FGD5: variants seen among roughly 807,000 people sequenced by gnomAD.
FGD5 encodes FYVE, RhoGEF and PH domain-containing protein 5.
A neutral mutation model predicts 133.4 loss-of-function variants in FGD5; 28 were observed. That is an observed-to-expected ratio of 0.21 (90% CI 0.16 to 0.29). The LOEUF (loss-of-function observed/expected upper bound fraction) is 0.29, where lower values mean the gene tolerates loss of function less well. Among genes scored for constraint, FGD5 ranks in the 10% least tolerant of loss-of-function variants. FGD5 has a pLI of 1.00. For missense variants in FGD5, 1,858 were observed against 1,895.2 expected (o/e 0.98, Z 0.36); for synonymous variants, 810 against 776.5 (o/e 1.04, Z -0.72).
rs185375080 is a variant in FGD5 at position 14,934,070 on chromosome 3, A to T, written c.*903A>T. On this transcript the variant is annotated 3_prime_UTR_variant, in exon 20 of 20. Coordinates refer to ENST00000285046, the MANE Select transcript of FGD5 (RefSeq NM_152536.4). ...CTCACTCAAGCTGACAACATTGTTT[A>T]TGGGAATCTATCCTTCTTTTAGACA... 2 of 152,354 alleles carry T rather than the reference A, an allele frequency of 1.3e-5. No individual in the cohort carries two copies. Among genetic ancestry groups the T allele is most frequent in the East Asian group, 1.9e-4 (1 of 5,192 alleles). The allele number at this position is 152,354 out of a possible 1,614,324, so 9.4% of individuals were successfully genotyped here.
chr3:14,824,599 G>A (rs1030887016), intron 1 of FGD5, among the ~76,000 whole-genome samples: 2 of 152,206 alleles, frequency 1.3e-5, no homozygotes, highest in African/African-American at 4.8e-5. Flanking sequence ...AGGCTGGGCC[G>A]CAGTTTGCTC....
intron 2 of FGD5, among the ~76,000 whole-genome samples, chr3:14,871,118 G>A (rs986302682): frequency 6.6e-6 from 1 of 152,110 alleles, no homozygotes; most frequent in African/African-American, 2.4e-5. Context: ...CTCAGAGAGG[G>A]CTCCTAGATC....
At position 14,907,714 on chromosome 3, in the gene FGD5, G is replaced by A. The variant is rs774720080; in HGVS notation, c.3336+3G>A. On this transcript the variant is annotated splice_donor_region_variant and intron_variant, in intron 10 of 19. Coordinates refer to ENST00000285046, the MANE Select transcript of FGD5 (RefSeq NM_152536.4). The stretch of plus-strand genomic sequence containing the variant: ...GGGATCTCCTCCAGCCAGGAAGGGT[G>A]AGTGCCGCCACCATGGGTAGGGGCA... 8.1e-6 allele frequency: 13 copies of A among 1,613,496 alleles called. No homozygotes were observed. The South Asian group carries it at 1.2e-4, about 15-fold the overall frequency.
rs1398808613 is a variant in FGD5 at position 14,820,111 on chromosome 3, A to T, written c.1040A>T (p.Tyr347Phe). 1.2e-6 allele frequency: 2 copies of T among 1,613,928 alleles called. No homozygotes were observed. Among genetic ancestry groups the T allele is most frequent in the Non-Finnish European group, 1.7e-6 (2 of 1,179,906 alleles). Residue 347 changes from tyrosine to phenylalanine, a missense_variant, in exon 1 of 20, where the codon TAT (tyrosine) becomes TTT (phenylalanine). Physicochemically the swap from Tyr to Phe is conservative, Grantham distance 22. Coordinates refer to ENST00000285046, the MANE Select transcript of FGD5 (RefSeq NM_152536.4). ...DFVTSLTGSPYEFFPTESTSF... is the reference protein window; with the variant it reads ...DFVTSLTGSPFEFFPTESTSF... ...GTGACTTCCCTCACAGGAAGCCCCT[A>T]TGAGTTCTTCCCAACTGAGAGCACC...
chr3:14,909,345 C>G (rs1353949249), intron 10 of FGD5, among the ~76,000 whole-genome samples: 1 of 152,186 alleles, frequency 6.6e-6, no homozygotes, highest in Non-Finnish European at 1.5e-5. Flanking sequence ...GCACTACGAA[C>G]ATATATAATT....
In FGD5 at chr3:14,924,120, C is replaced by A; in HGVS notation, c.4050C>A (p.Val1350=). Residue 1350 remains valine (V), a synonymous_variant, in exon 17 of 20, where the codon GTC becomes GTA. Coordinates refer to ENST00000285046, the MANE Select transcript of FGD5 (RefSeq NM_152536.4). The part of the protein sequence containing the change: ...NPSTFKKQKK[V]PSALTEVAAS... ...CGACCTTCAAGAAGCAGAAGAAAGT[C>A]CCTTCAGCCCTGACAGAGGTAAAGC... is the stretch of plus-strand genomic sequence containing the variant. The A allele has an allele frequency of 1.2e-6, 2 of 1,613,974 alleles. No individual in the cohort carries two copies. The highest frequency in any genetic ancestry group is 1.7e-5 in the Admixed American group (1 of 60,020).
intron 1 of FGD5, among the ~76,000 whole-genome samples, chr3:14,825,834 A>G (rs1231556556): frequency 6.6e-6 from 1 of 152,176 alleles, no homozygotes; most frequent in Non-Finnish European, 1.5e-5. Context: ...ACCTCCGAAT[A>G]TCCTATAGCA....
At chr3:14,827,375 G>A (rs1307746082) in intron 1 of FGD5, among the ~76,000 whole-genome samples, 2 of 144,014 alleles carry the variant, frequency 1.4e-5, no homozygotes, top group African/African-American at 2.6e-5. Flanking sequence ...TGCAAGCTCC[G>A]CCTCCCAGGT....
rs983441962 is a variant in FGD5 at position 14,853,779 on chromosome 3, G to A, written c.2526-10349G>A. Among the ~76,000 whole-genome samples the A allele has an allele frequency of 5.6e-5, 8 of 143,988 alleles. No homozygotes were observed. The East Asian group carries it at 1.3e-3, about 23-fold the overall frequency. The allele number at this position is 143,988 out of a possible 152,430, so 94.5% of individuals were successfully genotyped here. On this transcript the variant is annotated intron_variant, in intron 1 of 19. Transcript: ENST00000285046. Reference sequence around the variant, plus strand: ...ACAGCACCAGGCCGGGTTACACAGCGTTCATCTCCCCACGTGGAGGCACAT... The same window carrying A: ...ACAGCACCAGGCCGGGTTACACAGCATTCATCTCCCCACGTGGAGGCACAT...
In FGD5 at chr3:14,918,761, G is replaced by C; in HGVS notation, c.3497G>C (p.Arg1166Pro). 6.2e-7 allele frequency: 1 copy of C among 1,613,500 alleles called. No individual in the cohort carries two copies. Among genetic ancestry groups the C allele is most frequent in the South Asian group, 1.1e-5 (1 of 91,074 alleles). Residue 1166 changes from arginine (R) to proline (P), a missense_variant, in exon 13 of 20, where the codon CGC (arginine) becomes CCC (proline). Around this residue, in one of 3 missense-constraint regions of FGD5, gnomAD observed 1,824 missense variants for 1,848.9 expected, o/e 0.99. Transcript: ENST00000285046. ...CTGCTGTTGGTTTTCCAGGTCAGCC[G>C]CCCTGTGATGGAGAAAGTGCCCTAC... The part of the protein sequence containing the change: ...TLAVANMKVS[R>P]PVMEKVPYAL...
intron 17 of FGD5, among the ~76,000 whole-genome samples, chr3:14,925,040 T>G (rs1307473698): frequency 7.2e-6 from 1 of 138,194 alleles, no homozygotes; most frequent in Non-Finnish European, 1.5e-5. Flanking sequence ...AGGTGAAGGT[T>G]GCAGTGAGCT....
At chr3:14,879,423 G>A (rs888755910) in intron 2 of FGD5, among the ~76,000 whole-genome samples, 10 of 152,354 alleles carry the variant, frequency 6.6e-5, no homozygotes, top group Non-Finnish European at 1.0e-4. Flanking sequence ...AGAAGGCCCA[G>A]GCATCTGTCT....
At chr3:14,840,603 A>G (rs2036903634) in intron 1 of FGD5, among the ~76,000 whole-genome samples, 1 of 152,192 alleles carries the variant, frequency 6.6e-6, no homozygotes, top group Non-Finnish European at 1.5e-5. Flanking sequence ...TAATGACTGC[A>G]AGGAATTCCA....
At chr3:14,874,773 A>T (rs2125112890) in intron 2 of FGD5, among the ~76,000 whole-genome samples, 1 of 152,322 alleles carries the variant, frequency 6.6e-6, no homozygotes, top group African/African-American at 2.4e-5. Context: ...TGTAGCCAGA[A>T]CCAAAGATCT....
At chr3:14,885,162 C>G (rs1173576383) in intron 4 of FGD5, among the ~76,000 whole-genome samples, 3 of 151,622 alleles carry the variant, frequency 2.0e-5, no homozygotes, top group Non-Finnish European at 2.9e-5. Flanking sequence ...TTCAGTTCCT[C>G]TAGGTCTGTG....
chr3:14,865,603 TC>T (rs1370770262), intron 2 of FGD5, among the ~76,000 whole-genome samples: 1 of 152,108 alleles, frequency 6.6e-6, no homozygotes, highest in Non-Finnish European at 1.5e-5. Flanking sequence ...GAGCCACGTA[TC>T]TGGCACTGTC....
chr3:14,880,540 G>A (rs759312423), intron 2 of FGD5, 32 bp from the exon 3 acceptor site: 6 of 1,610,606 alleles, frequency 3.7e-6, no homozygotes, highest in Non-Finnish European at 5.1e-6. Context: ...ACTGATGCCT[G>A]TCCCACCTGA....
At chr3:14,878,221 G>A (rs190993384) in intron 2 of FGD5, among the ~76,000 whole-genome samples, 4 of 152,300 alleles carry the variant, frequency 2.6e-5, no homozygotes, top group African/African-American at 9.6e-5. Flanking sequence ...TTCTCTACCA[G>A]ATCTCAGATG....
At chr3:14,900,188 T>C (rs566935762) in intron 7 of FGD5, among the ~76,000 whole-genome samples, 1 of 152,278 alleles carries the variant, frequency 6.6e-6, no homozygotes, top group African/African-American at 2.4e-5. Context: ...GGGTATCTGT[T>C]GGATAAGTGA....
Sources: allele counts gnomAD v4.1 joint callset (sites outside exome capture counted in the v4.1 genomes callset), GRCh38; gene constraint gnomAD v4.1.1; regional missense constraint gnomAD v4.1.1; transcripts MANE v1.5; gene names NCBI Gene and HGNC (gene_info 2026-07-23, HGNC 2026-07-21).